Variants in ADK observed in about 807,000 individuals in gnomAD.
ADK encodes N6,N6-dimethyladenosine kinase.
A neutral mutation model predicts 44.7 loss-of-function variants in ADK; 24 were observed. The observed-to-expected ratio is 0.54, with a 90% confidence interval of 0.39 to 0.76. The LOEUF is 0.76. Ranked by LOEUF, ADK falls within the 30% of genes least tolerant of loss-of-function variation. The probability of loss-of-function intolerance (pLI) is 0.00; values close to 1 mark genes in which losing one functional copy is unlikely to be tolerated. For missense variants in ADK, 321 were observed against 425.1 expected (o/e 0.76, Z 2.15); for synonymous variants, 128 against 142.6 (o/e 0.90, Z 0.73).
chr10:74,537,259 G>T (rs1430632008), intron 7 of ADK, among the ~76,000 whole-genome samples: 1 of 152,146 alleles, frequency 6.6e-6, no homozygotes, highest in Non-Finnish European at 1.5e-5. Flanking sequence ...TTGGTAACCT[G>T]TTACATTGCA....
intron 4 of ADK, among the ~76,000 whole-genome samples, chr10:74,350,524 C>T (rs1369170130): frequency 6.6e-6 from 1 of 151,960 alleles, no homozygotes; most frequent in Non-Finnish European, 1.5e-5. Flanking sequence ...CAACAGCAAA[C>T]AAATTCAAAA....
At chr10:74,536,623 A>G (rs1224166440) in intron 7 of ADK, among the ~76,000 whole-genome samples, 1 of 151,316 alleles carries the variant, frequency 6.6e-6, no homozygotes, top group Non-Finnish European at 1.5e-5. Context: ...TAATCAACCC[A>G]AGCAGAAGCT....
intron 3 of ADK, among the ~76,000 whole-genome samples, chr10:74,266,019 AG>A (rs1385648303): frequency 6.6e-6 from 1 of 152,094 alleles, no homozygotes; most frequent in Non-Finnish European, 1.5e-5. Context: ...TTGCAGAGAG[AG>A]GGATGAGAGA....
intron 10 of ADK, among the ~76,000 whole-genome samples, chr10:74,683,173 G>A (rs1032400166): frequency 1.3e-4 from 20 of 152,140 alleles, no homozygotes; most frequent in Admixed American, 1.2e-3. Context: ...AATTGAAGTG[G>A]GAATTTCCTG....
intron 4 of ADK, among the ~76,000 whole-genome samples, chr10:74,377,612 A>G (rs980318301): frequency 6.6e-6 from 1 of 152,212 alleles, no homozygotes; most frequent in African/African-American, 2.4e-5. Flanking sequence ...GTCGTTTATC[A>G]GGAAGGATTG....
intron 4 of ADK, among the ~76,000 whole-genome samples, chr10:74,351,220 T>G (rs1014862381): frequency 2.0e-5 from 3 of 152,198 alleles, no homozygotes; most frequent in Admixed American, 2.0e-4. Context: ...GTCAAAAAGC[T>G]TATCCACCAC....
intron 6 of ADK, among the ~76,000 whole-genome samples, chr10:74,478,475 G>T (rs1846942626): frequency 2.0e-5 from 3 of 152,060 alleles, no homozygotes; most frequent in Admixed American, 2.0e-4. Flanking sequence ...CTCCCACCTT[G>T]GCCTCCCATA....
At chr10:74,438,945 G>A (rs1845290258) in intron 6 of ADK, among the ~76,000 whole-genome samples, 1 of 152,130 alleles carries the variant, frequency 6.6e-6, no homozygotes, top group Admixed American at 6.5e-5. Flanking sequence ...ACCTGATAAG[G>A]TGTCAACTGA....
chr10:74,205,040 CAAAAAAAAAAAAA>C (rs60670688), intron 2 of ADK, among the ~76,000 whole-genome samples: 4 of 51,646 alleles, frequency 7.7e-5, no homozygotes, highest in South Asian at 1.3e-3. Flanking sequence ...CACTCTGTCT[CAAAAAAAAAAAAA>C]AAAAAAAAAA....
rs142126925 is a variant in ADK, at chr10:74,701,480, A to G, written c.965-6841A>G. ...AGATAAATGGCTGATTCCAGGGCAT[A>G]GTAGAGCCCAGAACATTATGCCAGA... On this transcript the variant is annotated intron_variant, in intron 10 of 10. Transcript: ENST00000539909. 4.7e-3 allele frequency among the ~76,000 whole-genome samples: 716 copies of G among 152,356 alleles called. 4 individuals are homozygous for G. Among genetic ancestry groups the G allele is most frequent in the African/African-American group, 0.017 (688 of 41,578 alleles).
intron 4 of ADK, among the ~76,000 whole-genome samples, chr10:74,369,555 T>G (rs1258639214): frequency 6.6e-6 from 1 of 152,208 alleles, no homozygotes; most frequent in Non-Finnish European, 1.5e-5. Context: ...GTTTATTTCT[T>G]AAGACACAGA....
intron 8 of ADK, among the ~76,000 whole-genome samples, chr10:74,598,441 C>CTTTTTTT (rs915433699): frequency 2.7e-5 from 3 of 111,770 alleles, no homozygotes; most frequent in Non-Finnish European, 3.6e-5. Flanking sequence ...AATCTTATTC[C>CTTTTTTT]TTTTTTTTTT....
intron 1 of ADK, among the ~76,000 whole-genome samples, chr10:74,151,775 G>A (rs1233435459): frequency 1.3e-5 from 2 of 152,248 alleles, no homozygotes; most frequent in African/African-American, 2.4e-5. Flanking sequence ...TTTTCAGAGT[G>A]TTGCGGAAGG....
chr10:74,196,638 A>G (rs1308715192), intron 1 of ADK, among the ~76,000 whole-genome samples: 1 of 152,226 alleles, frequency 6.6e-6, no homozygotes, highest in Admixed American at 6.5e-5. Flanking sequence ...ACTAATGACA[A>G]TTTACGTCTG....
chr10:74,369,572 A>C (rs1198281757), intron 4 of ADK, among the ~76,000 whole-genome samples: 2 of 152,216 alleles, frequency 1.3e-5, no homozygotes, highest in African/African-American at 4.8e-5. Context: ...CAGAACAAGC[A>C]TTTGATAAAA....
At chr10:74,289,000 T>C (rs1847300197) in intron 3 of ADK, among the ~76,000 whole-genome samples, 1 of 152,084 alleles carries the variant, frequency 6.6e-6, no homozygotes, top group Admixed American at 6.5e-5. Context: ...TGTCAGTAGA[T>C]AGGAAATAAA....
chr10:74,356,164 G>T (rs990113068), intron 4 of ADK, among the ~76,000 whole-genome samples: 1 of 149,966 alleles, frequency 6.7e-6, no homozygotes, highest in African/African-American at 2.5e-5. Context: ...GACTACAGGC[G>T]CCCGCCACCG....
intron 2 of ADK, among the ~76,000 whole-genome samples, 189 bp downstream of exon 2, chr10:74,201,027 C>G (rs1843358070): frequency 6.6e-6 from 1 of 152,122 alleles, no homozygotes; most frequent in Admixed American, 6.5e-5. Context: ...CTTGGGAAAA[C>G]TTATATACAT....
At chr10:74,439,144 A>G (rs1592215516) in intron 6 of ADK, among the ~76,000 whole-genome samples, 1 of 152,212 alleles carries the variant, frequency 6.6e-6, no homozygotes, top group South Asian at 2.1e-4. Context: ...AAGTTTATCA[A>G]AAAGGATTAT....
Sources: allele counts gnomAD v4.1 joint callset (sites outside exome capture counted in the v4.1 genomes callset), GRCh38; gene constraint gnomAD v4.1.1; transcripts MANE v1.5; gene names NCBI Gene and HGNC (gene_info 2026-07-23, HGNC 2026-07-21).